The following SLC25A17 variants were observed in gnomAD, a reference collection of about 807,000 sequenced individuals.
SLC25A17 encodes peroxisomal membrane protein PMP34.
Under a neutral mutation model 38.5 loss-of-function variants are expected in SLC25A17, and 26 were observed. The observed-to-expected ratio is 0.68, with a 90% CI of 0.50 to 0.94. The LOEUF is 0.94. Among genes scored for constraint, SLC25A17 ranks in the 40% least tolerant of loss-of-function variants. The pLI is 0.00. For synonymous variants in SLC25A17, 139 were observed against 136.2 expected (o/e 1.02, Z -0.14); for missense variants, 333 against 372.7 (o/e 0.89, Z 0.88).
At chr22:40,773,876 C>A in intron 8 of SLC25A17, 61 bp downstream of exon 8, 1 of 1,180,582 alleles carries the variant, frequency 8.5e-7, no homozygotes, top group South Asian at 1.2e-5. Flanking sequence ...AATGCAACCC[C>A]TCCCTGGCAG....
At chr22:40,774,493 G>A (rs962121277) in intron 7 of SLC25A17, among the ~76,000 whole-genome samples, 7 of 152,038 alleles carry the variant, frequency 4.6e-5, no homozygotes, top group Non-Finnish European at 8.8e-5. Context: ...CGAAGTTCTG[G>A]GATTACAGGC....
chr22:40,783,085 G>T (rs1357281303), intron 4 of SLC25A17, among the ~76,000 whole-genome samples: 2 of 152,106 alleles, frequency 1.3e-5, no homozygotes, highest in African/African-American at 4.8e-5. Flanking sequence ...TACATATTAA[G>T]ATATAAAAAC....
At chr22:40,801,136 TATATATATA>T (rs2057479258) in intron 1 of SLC25A17, among the ~76,000 whole-genome samples, 1 of 33,540 alleles carries the variant, frequency 3.0e-5, no homozygotes, top group African/African-American at 1.6e-4. Flanking sequence ...TACATATATA[TATATATATA>T]TATATATATA....
intron 1 of SLC25A17, among the ~76,000 whole-genome samples, chr22:40,814,321 G>A (rs568700726): frequency 2.2e-4 from 33 of 152,294 alleles, no homozygotes; most frequent in Middle Eastern, 6.8e-3. Flanking sequence ...TTTCTTACAA[G>A]ACCAACACAC....
intron 4 of SLC25A17, among the ~76,000 whole-genome samples, chr22:40,786,310 C>CAAA (rs1294429530): frequency 8.3e-6 from 1 of 120,248 alleles, no homozygotes; most frequent in African/African-American, 3.1e-5. Flanking sequence ...AACCCTGTTG[C>CAAA]AAAAAAAAAA....
At chr22:40,808,458 A>G (rs1200294189) in intron 1 of SLC25A17, among the ~76,000 whole-genome samples, 1 of 152,256 alleles carries the variant, frequency 6.6e-6, no homozygotes, top group East Asian at 1.9e-4. Flanking sequence ...GTTCTCCTAC[A>G]GAAGTTCTCA....
intron 4 of SLC25A17, among the ~76,000 whole-genome samples, chr22:40,786,163 TA>T (rs765429196): frequency 2.0e-5 from 3 of 152,070 alleles, no homozygotes; most frequent in Non-Finnish European, 4.4e-5. Flanking sequence ...TACAAAAAAT[TA>T]GCTGGGCATG....
chr22:40,794,894 T>C (rs1363976636), intron 2 of SLC25A17, among the ~76,000 whole-genome samples: 4 of 151,920 alleles, frequency 2.6e-5, no homozygotes, highest in East Asian at 1.9e-4. Flanking sequence ...GCTGGGATTA[T>C]AGGCATGAGC....
At chr22:40,790,499 A>G (rs1217601657) in intron 4 of SLC25A17, among the ~76,000 whole-genome samples, 1 of 152,132 alleles carries the variant, frequency 6.6e-6, no homozygotes, top group East Asian at 1.9e-4. Context: ...GCCCTGAAAA[A>G]AAAATTTTAG....
chr22:40,819,112 C>T (rs1373931256), intron 1 of SLC25A17, 83 bp downstream of exon 1: 1 of 1,453,288 alleles, frequency 6.9e-7, no homozygotes, highest in African/African-American at 1.4e-5. Context: ...CCCTCTCAGA[C>T]CCATCCCTCA....
intron 1 of SLC25A17, among the ~76,000 whole-genome samples, chr22:40,800,990 G>C (rs1461876943): frequency 6.7e-6 from 1 of 150,094 alleles, no homozygotes; most frequent in African/African-American, 2.4e-5. Flanking sequence ...TGTAATCCCA[G>C]CTACTTGGGA....
At chr22:40,780,413 T>C (rs966758539) in intron 4 of SLC25A17, among the ~76,000 whole-genome samples, 3 of 152,246 alleles carry the variant, frequency 2.0e-5, no homozygotes, top group Non-Finnish European at 4.4e-5. Flanking sequence ...GGCTCATACA[T>C]TGTCACTGGA....
At chr22:40,805,548 A>C (rs1482993457) in intron 1 of SLC25A17, among the ~76,000 whole-genome samples, 1 of 152,208 alleles carries the variant, frequency 6.6e-6, no homozygotes, top group Non-Finnish European at 1.5e-5. Context: ...TTTTAGGGAT[A>C]ATCCTGGAAC....
At chr22:40,772,595 G>A (rs1420100542) in intron 8 of SLC25A17, among the ~76,000 whole-genome samples, 1 of 151,760 alleles carries the variant, frequency 6.6e-6, no homozygotes, top group Non-Finnish European at 1.5e-5. Context: ...GAGCCACCAC[G>A]CCCAGCCTAA....
intron 3 of SLC25A17, among the ~76,000 whole-genome samples, chr22:40,793,361 T>C (rs2057400119): frequency 6.6e-6 from 1 of 152,186 alleles, no homozygotes; most frequent in African/African-American, 2.4e-5. Flanking sequence ...CACAGGATAT[T>C]TGTATTGTTT....
In SLC25A17 at chr22:40,770,858, C is replaced by T. The variant is rs2057174712; in HGVS notation, c.900G>A (p.Gly300=). 6.2e-7 allele frequency: 1 copy of T among 1,613,104 alleles called. No individual in the cohort carries two copies. Among genetic ancestry groups the T allele is most frequent in the Non-Finnish European group, 8.5e-7 (1 of 1,179,320 alleles). The change falls in exon 9 of 9, where the codon GGG becomes GGA. Residue 300 remains glycine (G), a synonymous_variant. Coordinates refer to ENST00000435456, the MANE Select transcript of SLC25A17 (RefSeq NM_006358.4). ...KLTAATFTVM[G]LKRAHQH ...CTCAGTGTTGGTGTGCACGCTTCAG[C>T]CCCATAACTGTGAAGGTGGCAGCTG...
At chr22:40,774,730 T>C (rs2057223410) in intron 7 of SLC25A17, among the ~76,000 whole-genome samples, 1 of 152,252 alleles carries the variant, frequency 6.6e-6, no homozygotes, top group South Asian at 2.1e-4. Context: ...GTTTACATTA[T>C]AAAAGTGTTA....
At chr22:40,771,193 C>T (rs930117517) in intron 8 of SLC25A17, among the ~76,000 whole-genome samples, 4 of 152,162 alleles carry the variant, frequency 2.6e-5, no homozygotes, top group African/African-American at 4.8e-5. Flanking sequence ...CTGCAAGCTC[C>T]GCCTCCCGAG....
intron 4 of SLC25A17, among the ~76,000 whole-genome samples, chr22:40,787,557 C>T (rs1225736931): frequency 6.6e-6 from 1 of 152,088 alleles, no homozygotes; most frequent in Non-Finnish European, 1.5e-5. Flanking sequence ...AGGCTTTTAT[C>T]CTATAAAAGT....
Sources: allele counts gnomAD v4.1 joint callset (sites outside exome capture counted in the v4.1 genomes callset), GRCh38; gene constraint gnomAD v4.1.1; transcripts MANE v1.5; gene names NCBI Gene and HGNC (gene_info 2026-07-23, HGNC 2026-07-21).